Variants in RAP1GAP2 observed in about 807,000 individuals in gnomAD.
RAP1GAP2 encodes RAP1 GTPase activating protein 2.
In RAP1GAP2, 27 loss-of-function variants were observed where a neutral mutation model predicts 95.0. The ratio of observed to expected loss-of-function variants is 0.28; its 90% CI spans 0.21 to 0.39. The LOEUF (loss-of-function observed/expected upper bound fraction) is 0.39. Among genes scored for constraint, RAP1GAP2 ranks in the 10% least tolerant of loss-of-function variants. The pLI is 1.00. For missense variants in RAP1GAP2, 771 were observed against 970.0 expected (o/e 0.79, Z 2.72); for synonymous variants, 373 against 380.9 (o/e 0.98, Z 0.24).
intron 8 of RAP1GAP2, among the ~76,000 whole-genome samples, chr17:2,966,617 C>T (rs770531257): frequency 1.4e-4 from 21 of 152,148 alleles, no homozygotes; most frequent in Non-Finnish European, 2.4e-4. Context: ...TCGTCAGCAC[C>T]CATCCAATCT....
intron 2 of RAP1GAP2, among the ~76,000 whole-genome samples, chr17:2,882,765 G>A (rs985583647): frequency 2.0e-5 from 3 of 152,164 alleles, no homozygotes; most frequent in Admixed American, 6.5e-5. Flanking sequence ...TCATGCTTCG[G>A]GGTGGAGTGA....
intron 2 of RAP1GAP2, among the ~76,000 whole-genome samples, chr17:2,839,895 T>G (rs2071296825): frequency 6.6e-6 from 1 of 152,066 alleles, no homozygotes; most frequent in African/African-American, 2.4e-5. Flanking sequence ...GCCTCCTGGG[T>G]TCAAGTGATT....
chr17:2,759,927 T>G (rs561483612), intron 1 of RAP1GAP2, among the ~76,000 whole-genome samples: 26 of 152,118 alleles, frequency 1.7e-4, no homozygotes, highest in Non-Finnish European at 3.5e-4. Flanking sequence ...TAAAAACATT[T>G]GCATATTGAA....
At chr17:2,967,712 A>G (rs2044677879) in intron 8 of RAP1GAP2, among the ~76,000 whole-genome samples, 1 of 152,182 alleles carries the variant, frequency 6.6e-6, no homozygotes, top group Non-Finnish European at 1.5e-5. Context: ...CAGACATAAG[A>G]AATTGGCTCC....
chr17:2,991,678 C>T (rs1222107964), intron 12 of RAP1GAP2, among the ~76,000 whole-genome samples: 1 of 152,336 alleles, frequency 6.6e-6, no homozygotes, highest in South Asian at 2.1e-4. Context: ...TGGAAGGAAT[C>T]CACCTTCCCT....
chr17:2,910,621 C>T (rs1208719818), intron 3 of RAP1GAP2, among the ~76,000 whole-genome samples: 3 of 152,212 alleles, frequency 2.0e-5, no homozygotes, highest in Admixed American at 6.5e-5. Flanking sequence ...TAGGGATGGG[C>T]GATCCATTTC....
intron 19 of RAP1GAP2, 125 bp downstream of exon 19, chr17:3,020,720 GC>G: frequency 1.3e-6 from 1 of 760,030 alleles, no homozygotes; most frequent in Non-Finnish European, 2.2e-6. Context: ...AGATGGCTCT[GC>G]CTTCAGGCAC....
intron 2 of RAP1GAP2, among the ~76,000 whole-genome samples, chr17:2,826,595 G>A (rs1206483976): frequency 6.6e-6 from 1 of 151,946 alleles, no homozygotes; most frequent in Non-Finnish European, 1.5e-5. Flanking sequence ...TGCTTGCTGT[G>A]CTCCTGAGGA....
chr17:2,804,949 T>C (rs1422466124), intron 2 of RAP1GAP2, among the ~76,000 whole-genome samples: 1 of 152,208 alleles, frequency 6.6e-6, no homozygotes, highest in Non-Finnish European at 1.5e-5. Flanking sequence ...ATTCATGCCT[T>C]GAATCCTTTC....
chr17:2,973,644 A>T (rs2044968742), intron 8 of RAP1GAP2, among the ~76,000 whole-genome samples: 1 of 152,256 alleles, frequency 6.6e-6, no homozygotes. Context: ...GACCCAAGGA[A>T]TTCCTCCAGA....
chr17:2,883,450 G>C (rs937328520), intron 2 of RAP1GAP2, among the ~76,000 whole-genome samples: 1 of 152,312 alleles, frequency 6.6e-6, no homozygotes, highest in East Asian at 1.9e-4. Flanking sequence ...TCCCCAGCCG[G>C]GCAGCCTTTT....
chr17:2,792,771 C>T (rs911324367), upstream of RAP1GAP2, among the ~76,000 whole-genome samples: 1 of 152,234 alleles, frequency 6.6e-6, no homozygotes, highest in Non-Finnish European at 1.5e-5. Context: ...GGAAACCAGC[C>T]TCAGGGTGGC....
chr17:2,848,131 T>C (rs1490371427), intron 2 of RAP1GAP2, among the ~76,000 whole-genome samples: 1 of 152,184 alleles, frequency 6.6e-6, no homozygotes, highest in African/African-American at 2.4e-5. Flanking sequence ...CCCACCTTCA[T>C]GGCTCTGGGT....
At chr17:2,890,851 A>G (rs1597527342) in intron 2 of RAP1GAP2, among the ~76,000 whole-genome samples, 1 of 151,580 alleles carries the variant, frequency 6.6e-6, no homozygotes, top group African/African-American at 2.4e-5. Flanking sequence ...CGCCCGGCTA[A>G]TTTTTTGTGT....
chr17:2,977,123 CAAA>C (rs71377561), intron 8 of RAP1GAP2, among the ~76,000 whole-genome samples: 3 of 77,658 alleles, frequency 3.9e-5, no homozygotes, highest in Admixed American at 1.5e-4. Context: ...AACTCCATCT[CAAA>C]AAAAAAAAAA....
chr17:2,800,605 C>T lies in RAP1GAP2; in HGVS notation c.80+55C>T, dbSNP rs114762874. ...TCAGAGATGACGCGGATCAGAGCGC[C>T]GGGCCCTTGCTCCCCCCAGGTTGTG... On this transcript the variant is annotated intron_variant, in intron 2 of 24. Transcript: ENST00000254695. 2.6e-3 allele frequency: 4,101 copies of T among 1,569,482 alleles called. 79 individuals carry two copies. In the African/African-American group the frequency reaches 0.041, roughly 16 times the overall value.
At chr17:2,901,464 G>A (rs536906952) in intron 2 of RAP1GAP2, among the ~76,000 whole-genome samples, 1 of 152,176 alleles carries the variant, frequency 6.6e-6, no homozygotes, top group African/African-American at 2.4e-5. Flanking sequence ...GGGGCCCCGC[G>A]TCGTTAGAGT....
chr17:2,913,146 C>G (rs2042445834), intron 3 of RAP1GAP2, among the ~76,000 whole-genome samples: 1 of 152,062 alleles, frequency 6.6e-6, no homozygotes, highest in Non-Finnish European at 1.5e-5. Flanking sequence ...CCACTGCACT[C>G]TAGCCTGGGT....
chr17:2,800,571 C>G (rs376488602), intron 2 of RAP1GAP2, 21 bp downstream of exon 2: 4 of 1,610,004 alleles, frequency 2.5e-6, no homozygotes, highest in Non-Finnish European at 3.4e-6. Context: ...ATTTCCTGTT[C>G]TGTAAAGGTC....
Sources: allele counts gnomAD v4.1 joint callset (sites outside exome capture counted in the v4.1 genomes callset), GRCh38; gene constraint gnomAD v4.1.1; transcripts MANE v1.5; gene names NCBI Gene and HGNC (gene_info 2026-07-23, HGNC 2026-07-21).